C10orf105: variants seen among roughly 807,000 people sequenced by gnomAD.
C10orf105 encodes the protein uncharacterized protein C10orf105.
Under a neutral mutation model 0.6 loss-of-function variants are expected in C10orf105, and 2 were observed. The observed-to-expected ratio is 3.18, with a 90% confidence interval of 1.30 to 10.01. The LOEUF (loss-of-function observed/expected upper bound fraction) is 10.01, where lower values mean the gene tolerates loss of function less well. Ranked by LOEUF, C10orf105 falls within the 30% of genes most tolerant of loss-of-function variation. The probability of loss-of-function intolerance (pLI) is 0.04; values close to 1 mark genes in which losing one functional copy is unlikely to be tolerated. For missense variants in C10orf105, 209 were observed against 191.4 expected, an observed-to-expected ratio of 1.09 and a Z score of -0.54; for synonymous variants, 95 against 82.4, an observed-to-expected ratio of 1.15 and a Z score of -0.83.
chr10:71,716,518 G>A (rs757345258), intron 1 of C10orf105, 176 bp from the exon 2 acceptor site: 1 of 552,848 alleles, frequency 1.8e-6, no homozygotes, highest in Non-Finnish European at 3.1e-6. Context: ...AAGTCTAAGT[G>A]TACACACAGC....
chr10:71,729,408 G>A (rs183708930), intron 1 of C10orf105, among the ~76,000 whole-genome samples: 21 of 152,342 alleles, frequency 1.4e-4, no homozygotes, highest in African/African-American at 2.9e-4. Context: ...CTAGGCCTCC[G>A]TCCCCCAGGG....
Position 71,715,748 on chromosome 10 carries a change from G to A in C10orf105, c.*188C>T. 2.0e-6 allele frequency: 1 copy of A among 488,080 alleles called. No individual in the cohort carries two copies. Among genetic ancestry groups the A allele is most frequent in the Non-Finnish European group, 3.6e-6 (1 of 281,470 alleles). The allele number at this position is 488,080 out of a possible 1,614,324, so 30.2% of individuals were successfully genotyped here. ...CAGCGAGGGGGTCTGCAGAGAGGAA[G>A]GTGCTCTTCTGAGGATCATCTTTGG... On this transcript the variant is annotated 3_prime_UTR_variant, in exon 2 of 2. Coordinates refer to ENST00000441508, the MANE Select transcript of C10orf105 (RefSeq NM_001164375.3).
chr10:71,725,535 G>A lies in C10orf105; in HGVS notation c.-5-9193C>T, dbSNP rs1254317664. 19 of 1,609,016 alleles carry A rather than the reference G, an allele frequency of 1.2e-5. No individual in the cohort carries two copies. The highest frequency in any genetic ancestry group is 5.1e-5 in the Admixed American group (3 of 59,404). ...GCTCCGTCAGGGTGAGGCTAGGGGCGGGCTGGGGTGCTGACCTCAGGACGG... is the reference window on the plus strand; with the variant it reads ...GCTCCGTCAGGGTGAGGCTAGGGGCAGGCTGGGGTGCTGACCTCAGGACGG... On this transcript the variant is annotated intron_variant, in intron 1 of 1. Coordinates refer to the C10orf105 transcript ENST00000398786.
rs773015477 is a variant in C10orf105 at position 71,712,821 on chromosome 10, G to A, written c.*3115C>T. The A allele has an allele frequency of 1.9e-6, 3 of 1,609,480 alleles. No individual in the cohort carries two copies. The Admixed American group carries it at 5.0e-5, about 27-fold the overall frequency. ...GGCCACAGCATCTTGCAGGCAGGTG[G>A]CCCGTGGCCTCTGGGGCAGGTGGTG... is the stretch of plus-strand genomic sequence containing the variant. On this transcript the variant is annotated 3_prime_UTR_variant, in exon 2 of 2. Coordinates refer to ENST00000441508, the MANE Select transcript of C10orf105 (RefSeq NM_001164375.3).
chr10:71,731,580 G>A (rs776536614), intron 1 of C10orf105, among the ~76,000 whole-genome samples: 1 of 152,148 alleles, frequency 6.6e-6, no homozygotes, highest in Admixed American at 6.5e-5. Context: ...CCCTTCTGTC[G>A]AAGGGACCAA....
rs2132820475 is a variant in C10orf105 at position 71,730,599 on chromosome 10, ACT to A, written c.-6+7127_-6+7128del. 1.2e-6 allele frequency: 2 copies of A among 1,613,742 alleles called. No homozygotes were observed. Among genetic ancestry groups the A allele is most frequent in the Non-Finnish European group, 1.7e-6 (2 of 1,179,854 alleles). The stretch of plus-strand genomic sequence containing the variant: ...ATCGTGGTCCAAGCCACAGACCGAG[ACT>A]CTGGTGAGGCTGGCAGGAGGAAGCC... On this transcript the variant is annotated intron_variant, in intron 1 of 1. Coordinates refer to the C10orf105 transcript ENST00000398786.
In C10orf105 at chr10:71,715,683, C is replaced by T. The variant is rs1343382977; in HGVS notation, c.*253G>A. The T allele has an allele frequency of 1.1e-5, 4 of 359,850 alleles. No individual in the cohort carries two copies. The highest frequency in any genetic ancestry group is 4.4e-5 in the East Asian group (1 of 22,866). The allele number at this position is 359,850 out of a possible 1,614,324, so 22.3% of individuals were successfully genotyped here. ...CTCAGGCCAAAGGCCCAGATGACCA[C>T]GAGTGCACATCTCTTGACCAGAAGT... is the stretch of plus-strand genomic sequence containing the variant. On this transcript the variant is annotated 3_prime_UTR_variant, in exon 2 of 2. Coordinates refer to ENST00000441508, the MANE Select transcript of C10orf105 (RefSeq NM_001164375.3).
intron 1 of C10orf105, among the ~76,000 whole-genome samples, chr10:71,736,197 G>A (rs1030815267): frequency 1.3e-5 from 2 of 152,242 alleles, no homozygotes; most frequent in African/African-American, 4.8e-5. Flanking sequence ...CCCTCTTCCG[G>A]TTAGCAGGGC....
rs1168840921 is a variant in C10orf105 at position 71,712,832 on chromosome 10, C to T, written c.*3104G>A. 6.2e-7 allele frequency: 1 copy of T among 1,607,172 alleles called. No homozygotes were observed. The highest frequency in any genetic ancestry group is 1.1e-5 in the South Asian group (1 of 89,834). ...CTTGCAGGCAGGTGGCCCGTGGCCT[C>T]TGGGGCAGGTGGTGGGCTGGGGGAG... On this transcript the variant is annotated 3_prime_UTR_variant, in exon 2 of 2. Coordinates refer to ENST00000441508, the MANE Select transcript of C10orf105 (RefSeq NM_001164375.3).
chr10:71,725,777 G>A, intron 1 of C10orf105, among the ~76,000 whole-genome samples: 1 of 152,210 alleles, frequency 6.6e-6, no homozygotes, highest in Admixed American at 6.5e-5. Flanking sequence ...TGAAAGAGGT[G>A]TCCTTACTGT....
At chr10:71,723,031 C>T (rs1438013828), upstream of C10orf105, among the ~76,000 whole-genome samples, 1 of 152,192 alleles carries the variant, frequency 6.6e-6, no homozygotes, top group Non-Finnish European at 1.5e-5. Context: ...AGTCCTGGAC[C>T]AATCCCCTCT....
chr10:71,716,273 G>T lies in C10orf105; in HGVS notation c.65C>A (p.Ala22Asp). 6.5e-7 allele frequency: 1 copy of T among 1,536,878 alleles called. No individual in the cohort carries two copies. The highest frequency in any genetic ancestry group is 8.8e-7 in the Non-Finnish European group (1 of 1,137,892). The part of the protein sequence containing the change: ...PAISPLAFLS[A>D]PVTPGTLAEA... ...TGCAAGGGTCCCGGGAGTGACGGGA[G>T]CTGAGAGAAAGGCGAGGGGGCTGAT... Residue 22 changes from alanine (A) to aspartate (D), a missense_variant, in exon 2 of 2, where the codon GCT becomes GAT. By Grantham distance (126) the Ala-to-Asp change is moderately radical (BLOSUM62 -2). Coordinates refer to ENST00000441508, the MANE Select transcript of C10orf105 (RefSeq NM_001164375.3).
intron 1 of C10orf105, among the ~76,000 whole-genome samples, chr10:71,728,194 C>T (rs528369654): frequency 6.6e-6 from 1 of 152,142 alleles, no homozygotes; most frequent in Non-Finnish European, 1.5e-5. Flanking sequence ...CAAACTCCCC[C>T]CCGCACCCAC....
rs1015776201 is a variant in C10orf105, at chr10:71,730,576, C to T, written c.-6+7152G>A. On this transcript the variant is annotated intron_variant, in intron 1 of 1. Transcript: ENST00000398786. The stretch of plus-strand genomic sequence containing the variant: ...CCGCAGGCATTGGAACGTCAGTCAT[C>T]GTGGTCCAAGCCACAGACCGAGACT... 6.2e-7 allele frequency: 1 copy of T among 1,613,822 alleles called. No homozygotes were observed. Among genetic ancestry groups the T allele is most frequent in the Non-Finnish European group, 8.5e-7 (1 of 1,179,880 alleles).
At chr10:71,734,477 C>G in intron 1 of C10orf105, 3 of 1,515,222 alleles carry the variant, frequency 2.0e-6, no homozygotes. Context: ...GAGGCTTCGC[C>G]ATGTCCAGCC....
At chr10:71,718,379 C>T (rs545490883) in intron 1 of C10orf105, among the ~76,000 whole-genome samples, 178 of 152,354 alleles carry the variant, frequency 1.2e-3, no homozygotes, top group African/African-American at 4.0e-3. Flanking sequence ...ACCACCACCC[C>T]TCCCAGCACT....
chr10:71,718,941 G>T (rs10823831), intron 1 of C10orf105, among the ~76,000 whole-genome samples: 23,556 of 151,936 alleles, frequency 0.16, 3,746 homozygotes, highest in African/African-American at 0.39. Context: ...AGCCAGGTGT[G>T]GTAGTATGTG....
intron 1 of C10orf105, chr10:71,730,589 A>G: frequency 1.2e-6 from 2 of 1,613,866 alleles, no homozygotes; most frequent in Non-Finnish European, 1.7e-6. Context: ...GGTCCAAGCC[A>G]CAGACCGAGA....
At chr10:71,718,981 G>C (rs898673294) in intron 1 of C10orf105, among the ~76,000 whole-genome samples, 1 of 152,038 alleles carries the variant, frequency 6.6e-6, no homozygotes, top group African/African-American at 2.4e-5. Context: ...AGGAGGCTGA[G>C]GCAGAAGGAT....
Sources: gnomAD v4.1 joint callset for allele counts (sites outside exome capture counted in the v4.1 genomes callset) on GRCh38, gnomAD v4.1.1 for gene constraint, MANE v1.5 for transcripts, NCBI Gene and HGNC (gene_info 2026-07-23, HGNC 2026-07-21) for gene names.